DHX57: variants seen among roughly 807,000 people sequenced by gnomAD.
DHX57 encodes putative ATP-dependent RNA helicase DHX57.
In DHX57, 105 loss-of-function variants were observed where a neutral mutation model predicts 156.2. That is an observed-to-expected ratio of 0.67 (90% CI 0.57 to 0.79). The LOEUF (loss-of-function observed/expected upper bound fraction) is 0.79. DHX57 is among the 30% of genes least tolerant of loss of function. The pLI is 0.00. For synonymous variants in DHX57, 704 were observed against 595.6 expected (o/e 1.18, Z -2.65); for missense variants, 1,847 against 1,661.9 (o/e 1.11, Z -1.94).
rs912179688 is a variant in DHX57, at chr2:38,826,649, C to T, written c.2680G>A (p.Glu894Lys). Residue 894 changes from glutamate (E) to lysine (K), a missense_variant, in exon 15 of 24, where the codon GAG becomes AAG. Physicochemically the swap from Glu to Lys is moderately conservative, Grantham distance 56. Transcript: ENST00000457308. Reference protein sequence around the residue: ...HPLHSSLSSEEQQAVFVKPPA... With the variant: ...HPLHSSLSSEKQQAVFVKPPA... ...GGTTTTACAAACACAGCCTGCTGCT[C>T]TTCACTGGATAAAGATGAATGAAGT... 1 of 1,614,144 alleles carries T rather than the reference C, an allele frequency of 6.2e-7. No individual in the cohort carries two copies. The highest frequency in any genetic ancestry group is 1.7e-5 in the Admixed American group (1 of 60,010).
At chr2:38,827,500 AAAAAAATATATATATATATAT>A (rs1160646823) in intron 14 of DHX57, among the ~76,000 whole-genome samples, 3 of 22,280 alleles carry the variant, frequency 1.3e-4, no homozygotes, top group African/African-American at 2.1e-4. Context: ...AAAAAAAAAA[AAAAAAATATATATATATATAT>A]ATATATATAT....
In DHX57 at chr2:38,861,623, A is replaced by G. The variant is rs201441649; in HGVS notation, c.787T>C (p.Phe263Leu). ...FALKSICGEK[F>L]IERIQNRVWT... is the part of the protein sequence containing the mutation. ...ACTCTGTTCTGAATTCTTTCTATAAATTTTTCTCCACAGATGGACTTGAGA... is the reference window on the plus strand; with the variant it reads ...ACTCTGTTCTGAATTCTTTCTATAAGTTTTTCTCCACAGATGGACTTGAGA... The change falls in exon 5 of 24, where the codon TTT (phenylalanine) becomes CTT (leucine). Residue 263 changes from phenylalanine (F) to leucine (L), a missense_variant. By Grantham distance (22) the Phe-to-Leu change is conservative (BLOSUM62 0). Coordinates refer to ENST00000457308, the MANE Select transcript of DHX57 (RefSeq NM_198963.3). 5.9e-5 allele frequency: 95 copies of G among 1,613,862 alleles called. No homozygotes were observed. The highest frequency in any genetic ancestry group is 7.9e-5 in the Non-Finnish European group (93 of 1,180,014).
intron 21 of DHX57, chr2:38,811,721 CG>C (rs1487303619): frequency 5.5e-5 from 37 of 676,194 alleles, no homozygotes; most frequent in Non-Finnish European, 8.0e-5. Context: ...GTGAACCACT[CG>C]GGGCCTGGGG....
chr2:38,850,246 G>A (rs1474080893), intron 9 of DHX57, among the ~76,000 whole-genome samples: 1 of 152,120 alleles, frequency 6.6e-6, no homozygotes, highest in African/African-American at 2.4e-5. Flanking sequence ...AGTGGTTTGG[G>A]AGTAGTAAGA....
chr2:38,839,698 C>T lies in DHX57; in HGVS notation c.2426-1751G>A, dbSNP rs144710821. On this transcript the variant is annotated intron_variant, in intron 12 of 23. Coordinates refer to ENST00000457308, the MANE Select transcript of DHX57 (RefSeq NM_198963.3). The stretch of plus-strand genomic sequence containing the variant: ...ATCGCGCTACTGCACTCCTGCTGGG[C>T]GACAGAGCAAGACTCCGTCTCAAAA... 2.0e-3 allele frequency among the ~76,000 whole-genome samples: 300 copies of T among 147,858 alleles called. 3 individuals carry two copies. In the East Asian group the frequency reaches 0.029, roughly 14 times the overall value.
intron 13 of DHX57, among the ~76,000 whole-genome samples, chr2:38,837,627 T>TAA (rs1671751996): frequency 1.8e-5 from 1 of 56,780 alleles, no homozygotes; most frequent in Admixed American, 2.0e-4. Flanking sequence ...AAAAAAAAGA[T>TAA]AAAGACTTTA....
intron 21 of DHX57, chr2:38,810,690 AG>A: frequency 4.2e-6 from 3 of 710,272 alleles, no homozygotes; most frequent in Non-Finnish European, 7.7e-6. Context: ...AGTCACACTG[AG>A]GGTTGTGCCA....
chr2:38,807,945 C>CTTT lies in DHX57; in HGVS notation c.3682-1255_3682-1253dup, dbSNP rs34221239. Among the ~76,000 whole-genome samples the CTTT allele has an allele frequency of 4.4e-4, 24 of 54,256 alleles. 6 individuals are homozygous for CTTT. Among genetic ancestry groups the CTTT allele is most frequent in the East Asian group, 8.5e-4 (1 of 1,178 alleles). The allele number at this position is 54,256 out of a possible 152,430, so 35.6% of individuals were successfully genotyped here. ...ACAGGCGTGAGCCACTGTGTCTTGC[C>CTTT]TTTTTTTTTTTTTTTTTTTTTTTTT... On this transcript the variant is annotated intron_variant, in intron 21 of 23. Coordinates refer to ENST00000457308, the MANE Select transcript of DHX57 (RefSeq NM_198963.3).
intron 22 of DHX57, 87 bp from the exon 23 acceptor site, chr2:38,803,002 C>A: frequency 1.4e-6 from 2 of 1,444,834 alleles, no homozygotes; most frequent in Non-Finnish European, 1.9e-6. Context: ...TTAAATACTG[C>A]CTATTAATGA....
At chr2:38,833,875 A>G (rs1671510863) in intron 13 of DHX57, among the ~76,000 whole-genome samples, 2 of 152,254 alleles carry the variant, frequency 1.3e-5, no homozygotes, top group South Asian at 2.1e-4. Flanking sequence ...TCATGAATGC[A>G]TAAGACATAT....
At chr2:38,848,136 T>C (rs1465713362) in intron 10 of DHX57, 133 bp downstream of exon 10, 4 of 1,005,768 alleles carry the variant, frequency 4.0e-6, no homozygotes, top group Non-Finnish European at 5.5e-6. Flanking sequence ...CTGCATTATA[T>C]GGTTTATGAT....
At chr2:38,839,276 T>C (rs1381044506) in intron 12 of DHX57, among the ~76,000 whole-genome samples, 1 of 151,344 alleles carries the variant, frequency 6.6e-6, no homozygotes, top group Non-Finnish European at 1.5e-5. Flanking sequence ...GGTGACTAAC[T>C]CTTCAAAGAC....
intron 1 of DHX57, among the ~76,000 whole-genome samples, chr2:38,870,460 A>G (rs955271255): frequency 1.2e-4 from 19 of 152,288 alleles, no homozygotes; most frequent in Admixed American, 1.2e-3. Flanking sequence ...AGAGAAAATC[A>G]TGAAAGGAGT....
At position 38,798,046 on chromosome 2, in the gene DHX57, C is replaced by T. The variant is rs750178554; in HGVS notation, c.*253G>A. 28 of 382,008 alleles carry T rather than the reference C, an allele frequency of 7.3e-5. No individual in the cohort carries two copies. Among genetic ancestry groups the T allele is most frequent in the Non-Finnish European group, 1.2e-4 (24 of 204,250 alleles). 23.7% of individuals were successfully genotyped at this position (382,008 alleles called of 1,614,324 possible). On this transcript the variant is annotated 3_prime_UTR_variant, in exon 24 of 24. Transcript: ENST00000457308. ...AACTTAATTCACTCCAGAACAATCACAGAGACAAAGACAGGCAAGCTGGGT... is the reference window on the plus strand; with the variant it reads ...AACTTAATTCACTCCAGAACAATCATAGAGACAAAGACAGGCAAGCTGGGT...
intron 17 of DHX57, among the ~76,000 whole-genome samples, chr2:38,819,899 C>G (rs1670725248): frequency 6.6e-6 from 1 of 152,176 alleles, no homozygotes; most frequent in South Asian, 2.1e-4. Context: ...CAAATGTTTA[C>G]AAGTCTTCCT....
chr2:38,812,329 T>C (rs1016617724), intron 21 of DHX57, among the ~76,000 whole-genome samples: 1 of 152,192 alleles, frequency 6.6e-6, no homozygotes, highest in African/African-American at 2.4e-5. Context: ...AAATGAGCCA[T>C]AAATCAGTCA....
At chr2:38,840,732 T>C (rs1477328519) in intron 12 of DHX57, among the ~76,000 whole-genome samples, 1 of 152,158 alleles carries the variant, frequency 6.6e-6, no homozygotes, top group Non-Finnish European at 1.5e-5. Context: ...TTTCTGAACT[T>C]TAGTAACCTT....
Position 38,806,648 on chromosome 2 carries a change from C to T in DHX57, c.3727G>A (p.Val1243Ile), listed in dbSNP as rs1253217769. 2.5e-6 allele frequency: 4 copies of T among 1,614,160 alleles called. No individual in the cohort carries two copies. Among genetic ancestry groups the T allele is most frequent in the Non-Finnish European group, 3.4e-6 (4 of 1,180,012 alleles). ...GKFQKTSTGA[V>I]RMQPKSAELK... ...TCAGCTGATTTTGGTTGCATTCTGA[C>T]AGCTCCAGTACTGGTCTTCTGAAAT... The change falls in exon 22 of 24, where the codon GTC (valine) becomes ATC (isoleucine). Residue 1243 changes from valine (V) to isoleucine (I), a missense_variant. By Grantham distance (29) the Val-to-Ile change is conservative. Coordinates refer to ENST00000457308, the MANE Select transcript of DHX57 (RefSeq NM_198963.3).
rs76182638 is a variant in DHX57, at chr2:38,870,041, T to G, written c.-6-1630A>C. Among the ~76,000 whole-genome samples, 717 of 152,206 alleles carry G rather than the reference T, an allele frequency of 4.7e-3. 2 individuals carry two copies. Among genetic ancestry groups the G allele is most frequent in the African/African-American group, 6.8e-3 (281 of 41,558 alleles). On this transcript the variant is annotated intron_variant, in intron 1 of 23. Coordinates refer to ENST00000457308, the MANE Select transcript of DHX57 (RefSeq NM_198963.3). ...TATAAAAAGAACCAAATGGGAATTC[T>G]GGAGTTGAAAAGTATACTAATTGAA...
Sources: allele counts gnomAD v4.1 joint callset (sites outside exome capture counted in the v4.1 genomes callset), GRCh38; gene constraint gnomAD v4.1.1; transcripts MANE v1.5; gene names NCBI Gene and HGNC (gene_info 2026-07-23, HGNC 2026-07-21).